The following CRTC3 variants were observed in gnomAD, a reference collection of about 807,000 sequenced individuals.
The protein encoded by CRTC3 is CREB regulated transcription coactivator 3, also known as CREB-regulated transcription coactivator 3.
Under a neutral mutation model 74.5 loss-of-function variants are expected in CRTC3, and 26 were observed. The ratio of observed to expected loss-of-function variants is 0.35; its 90% CI spans 0.26 to 0.48. The LOEUF is 0.48. Among genes scored for constraint, CRTC3 ranks in the 20% least tolerant of loss-of-function variants. The probability of loss-of-function intolerance (pLI) is 0.99; values close to 1 mark genes in which losing one functional copy is unlikely to be tolerated. For synonymous variants in CRTC3, 377 were observed against 325.8 expected (o/e 1.16, Z -1.69); for missense variants, 760 against 787.3 (o/e 0.97, Z 0.41).
intron 8 of CRTC3, 173 bp downstream of exon 8, chr15:90,618,141 G>C (rs576311286): frequency 3.5e-5 from 15 of 427,082 alleles, no homozygotes; most frequent in Non-Finnish European, 5.9e-5. Flanking sequence ...AAATTATCGC[G>C]CTTGTGTCAA....
intron 2 of CRTC3, among the ~76,000 whole-genome samples, chr15:90,592,556 C>T (rs571785196): frequency 6.6e-6 from 1 of 152,154 alleles, no homozygotes; most frequent in Non-Finnish European, 1.5e-5. Context: ...TAAGAACGTA[C>T]CCCAAGCATC....
intron 2 of CRTC3, among the ~76,000 whole-genome samples, chr15:90,541,049 C>T (rs935072841): frequency 5.9e-5 from 9 of 152,156 alleles, no homozygotes; most frequent in Non-Finnish European, 1.3e-4. Flanking sequence ...GCAGTGTCCT[C>T]GGGTGCTTTC....
intron 13 of CRTC3, among the ~76,000 whole-genome samples, chr15:90,640,592 G>C (rs543942725): frequency 6.6e-6 from 1 of 152,076 alleles, no homozygotes; most frequent in Admixed American, 6.6e-5. Context: ...TAAGGTGGAC[G>C]GATTGCTTGA....
intron 2 of CRTC3, among the ~76,000 whole-genome samples, chr15:90,565,979 G>A (rs969984638): frequency 1.3e-5 from 2 of 152,216 alleles, no homozygotes; most frequent in South Asian, 2.1e-4. Flanking sequence ...AGTGAGGAAA[G>A]CATGTTGAAA....
At chr15:90,614,372 A>G in intron 6 of CRTC3, 81 bp from the exon 7 acceptor site, 1 of 1,005,082 alleles carries the variant, frequency 9.9e-7, no homozygotes, top group Non-Finnish European at 1.5e-6. Flanking sequence ...CAAATCATAA[A>G]GAGTTACTGA....
intron 2 of CRTC3, among the ~76,000 whole-genome samples, chr15:90,582,706 C>G (rs755419547): frequency 1.4e-4 from 21 of 152,196 alleles, no homozygotes; most frequent in Non-Finnish European, 2.4e-4. Context: ...CTATGCCATC[C>G]TGTAAATCCC....
intron 2 of CRTC3, among the ~76,000 whole-genome samples, chr15:90,549,206 T>C (rs1200275911): frequency 1.3e-5 from 2 of 152,296 alleles, no homozygotes; most frequent in Middle Eastern, 3.4e-3. Flanking sequence ...TTCTAGTGAC[T>C]ACATGCTATT....
intron 2 of CRTC3, among the ~76,000 whole-genome samples, chr15:90,572,560 A>G (rs1283280411): frequency 6.6e-6 from 1 of 152,020 alleles, no homozygotes; most frequent in Non-Finnish European, 1.5e-5. Flanking sequence ...ACTCTTCCCC[A>G]CTGGATATAT....
chr15:90,597,969 GC>G, intron 3 of CRTC3: 1 of 156,916 alleles, frequency 6.4e-6, no homozygotes, highest in Non-Finnish European at 1.4e-5. Context: ...TAAACACATG[GC>G]TGAGCAATCA....
chr15:90,545,595 G>A (rs1966842818), intron 2 of CRTC3, among the ~76,000 whole-genome samples: 2 of 148,760 alleles, frequency 1.3e-5, no homozygotes, highest in South Asian at 4.2e-4. Flanking sequence ...TTTTACTTTT[G>A]AGATGGAGTC....
chr15:90,638,829 C>T lies in CRTC3; in HGVS notation c.1548+14C>T. The T allele has an allele frequency of 6.2e-7, 1 of 1,604,246 alleles. No individual in the cohort carries two copies. The highest frequency in any genetic ancestry group is 8.5e-7 in the Non-Finnish European group (1 of 1,171,184). On this transcript the variant is annotated intron_variant, in intron 13 of 14. Transcript: ENST00000268184. ...TTTCCTCAACAGGTGGGTGATCGCCCCTGCCTTCTCCTCCCTTGGTGCATA... is the reference window on the plus strand; with the variant it reads ...TTTCCTCAACAGGTGGGTGATCGCCTCTGCCTTCTCCTCCCTTGGTGCATA...
chr15:90,627,202 T>G (rs1249456842), intron 10 of CRTC3, among the ~76,000 whole-genome samples: 1 of 152,236 alleles, frequency 6.6e-6, no homozygotes, highest in Non-Finnish European at 1.5e-5. Flanking sequence ...AATCTTAGGT[T>G]TGAAGAATTG....
chr15:90,632,338 G>A (rs1405518001), intron 11 of CRTC3, among the ~76,000 whole-genome samples: 1 of 151,924 alleles, frequency 6.6e-6, no homozygotes, highest in East Asian at 1.9e-4. Flanking sequence ...TGTTCTGACT[G>A]TAATCCCAGC....
chr15:90,608,294 G>T (rs1400455795), intron 6 of CRTC3, among the ~76,000 whole-genome samples: 4 of 152,110 alleles, frequency 2.6e-5, no homozygotes, highest in Non-Finnish European at 1.5e-5. Flanking sequence ...TCACCTTCAG[G>T]AGAAAGAGCC....
intron 6 of CRTC3, among the ~76,000 whole-genome samples, chr15:90,612,082 GCCT>G (rs1392817127): frequency 1.2e-5 from 1 of 85,016 alleles, no homozygotes; most frequent in Non-Finnish European, 2.2e-5. Flanking sequence ...CTCCTCCTCC[GCCT>G]CCTCCTCCGC....
chr15:90,594,844 G>C (rs978614486), intron 3 of CRTC3: 1 of 152,142 alleles, frequency 6.6e-6, no homozygotes, highest in South Asian at 2.1e-4. Flanking sequence ...GCGACCATTC[G>C]CAGTGATGAG....
rs1395407007 is a variant in CRTC3 at position 90,615,083 on chromosome 15, TAAATA to T, written c.613+598_613+602del. 3.2e-3 allele frequency among the ~76,000 whole-genome samples: 488 copies of T among 152,102 alleles called. 1 individual carries two copies. The highest frequency in any genetic ancestry group is 0.017 in the South Asian group (80 of 4,820). ...GTCTAAAAATAAATAAATAAATAAA[TAAATA>T]AATTAATTAATTGATCACTTAAACA... On this transcript the variant is annotated intron_variant, in intron 7 of 14. Transcript: ENST00000268184.
At chr15:90,543,425 C>T (rs1252630416) in intron 2 of CRTC3, among the ~76,000 whole-genome samples, 1 of 151,426 alleles carries the variant, frequency 6.6e-6, no homozygotes, top group Non-Finnish European at 1.5e-5. Context: ...ATTAAACTTT[C>T]AATCTATACA....
chr15:90,532,016 AT>A (rs1966635399), intron 1 of CRTC3, among the ~76,000 whole-genome samples: 1 of 152,196 alleles, frequency 6.6e-6, no homozygotes, highest in South Asian at 2.1e-4. Context: ...GGTCTCTTGA[AT>A]TTAGCAAGCC....
Sources: allele counts gnomAD v4.1 joint callset (sites outside exome capture counted in the v4.1 genomes callset), GRCh38; gene constraint gnomAD v4.1.1; transcripts MANE v1.5; gene names NCBI Gene and HGNC (gene_info 2026-07-23, HGNC 2026-07-21).